DPP10: variants seen among roughly 807,000 people sequenced by gnomAD.
DPP10 encodes dipeptidyl peptidase like 10.
DPP10 carries 33 observed loss-of-function variants against 120.9 expected under a neutral mutation model. The observed-to-expected ratio is 0.27, with a 90% CI of 0.21 to 0.37. The LOEUF (loss-of-function observed/expected upper bound fraction) is 0.37. DPP10 is among the 10% of genes least tolerant of loss of function. DPP10 has a pLI of 1.00. For synonymous variants in DPP10, 337 were observed against 326.1 expected, an observed-to-expected ratio of 1.03 and a Z score of -0.36; for missense variants, 816 against 942.8, an observed-to-expected ratio of 0.87 and a Z score of 1.76.
At chr2:114,900,992 A>T (rs1187857966) in intron 1 of DPP10, among the ~76,000 whole-genome samples, 8 of 152,206 alleles carry the variant, frequency 5.3e-5, no homozygotes, top group South Asian at 4.1e-4. Flanking sequence ...TGAGGCACTA[A>T]AAAGGATAAG....
intron 3 of DPP10, among the ~76,000 whole-genome samples, chr2:115,466,252 C>T (rs985216232): frequency 6.6e-6 from 1 of 152,076 alleles, no homozygotes; most frequent in Non-Finnish European, 1.5e-5. Context: ...CACTTCAAAA[C>T]GTCTGATATG....
At chr2:115,468,167 A>C (rs1307673100) in intron 3 of DPP10, 1 of 494,250 alleles carries the variant, frequency 2.0e-6, no homozygotes, top group African/African-American at 2.0e-5. Context: ...GGATCAGTAC[A>C]TCTGGAAAAG....
rs1469958462 is a variant in DPP10, at chr2:115,480,265, A to G, written c.272-19245A>G. On this transcript the variant is annotated intron_variant, in intron 3 of 25. Transcript: ENST00000410059. Reference sequence around the variant, plus strand: ...GTAAATATAATAATTTTGTTTATGTAAATATAAGAATTAAATGAGATAAGT... The same window carrying G: ...GTAAATATAATAATTTTGTTTATGTGAATATAAGAATTAAATGAGATAAGT... Among the ~76,000 whole-genome samples the G allele has an allele frequency of 2.0e-5, 3 of 152,142 alleles. No individual in the cohort carries two copies. The East Asian group carries it at 5.8e-4, about 29-fold the overall frequency.
At chr2:114,978,476 G>T (rs1699886488) in intron 1 of DPP10, among the ~76,000 whole-genome samples, 1 of 152,104 alleles carries the variant, frequency 6.6e-6, no homozygotes, top group African/African-American at 2.4e-5. Flanking sequence ...AGGGAAAGTA[G>T]TAGTTGGTGC....
intron 3 of DPP10, among the ~76,000 whole-genome samples, chr2:115,355,832 T>C (rs2064344680): frequency 6.6e-6 from 1 of 152,206 alleles, no homozygotes; most frequent in African/African-American, 2.4e-5. Context: ...CCATTGCTTA[T>C]TTTTGTCAGG....
At chr2:115,458,602 G>C (rs920975101) in intron 3 of DPP10, among the ~76,000 whole-genome samples, 3 of 151,954 alleles carry the variant, frequency 2.0e-5, no homozygotes, top group Non-Finnish European at 4.4e-5. Flanking sequence ...TATGTTTTAG[G>C]TTCAATAAAA....
At chr2:115,801,368 A>G (rs913588915) in intron 19 of DPP10, among the ~76,000 whole-genome samples, 6 of 152,282 alleles carry the variant, frequency 3.9e-5, no homozygotes, top group African/African-American at 1.4e-4. Flanking sequence ...ATATATAATC[A>G]TGTCATCTGC....
At chr2:115,652,247 A>T (rs190049252) in intron 5 of DPP10, among the ~76,000 whole-genome samples, 1 of 152,118 alleles carries the variant, frequency 6.6e-6, no homozygotes, top group Admixed American at 6.6e-5. Flanking sequence ...CATTTTACAG[A>T]GGACAGAAGT....
At chr2:114,642,706 A>G (rs1365754342) in intron 1 of DPP10, among the ~76,000 whole-genome samples, 3 of 151,846 alleles carry the variant, frequency 2.0e-5, no homozygotes, top group African/African-American at 7.3e-5. Flanking sequence ...CAGGAATTCT[A>G]CACAGCCCAT....
intron 1 of DPP10, among the ~76,000 whole-genome samples, chr2:115,018,523 G>T (rs762032514): frequency 2.6e-5 from 4 of 152,162 alleles, no homozygotes; most frequent in Non-Finnish European, 4.4e-5. Context: ...ATACTATGCA[G>T]CTATAAAAAG....
intron 5 of DPP10, among the ~76,000 whole-genome samples, chr2:115,587,089 C>CTTTCTT (rs2082333593): frequency 7.9e-4 from 82 of 103,882 alleles, no homozygotes; most frequent in East Asian, 2.0e-3. Flanking sequence ...TTTTCTCTTT[C>CTTTCTT]TTTTTTTTTT....
At chr2:115,028,873 A>G (rs1703650922) in intron 1 of DPP10, among the ~76,000 whole-genome samples, 1 of 151,986 alleles carries the variant, frequency 6.6e-6, no homozygotes, top group South Asian at 2.1e-4. Context: ...GTAAGTATAG[A>G]TATTTCTGCT....
At chr2:114,624,335 G>A (rs1194546257) in intron 1 of DPP10, among the ~76,000 whole-genome samples, 1 of 151,916 alleles carries the variant, frequency 6.6e-6, no homozygotes, top group East Asian at 1.9e-4. Context: ...TGATTTGAAA[G>A]GGTACTGGAA....
chr2:114,713,647 T>C (rs1701167521), intron 1 of DPP10, among the ~76,000 whole-genome samples: 1 of 152,064 alleles, frequency 6.6e-6, no homozygotes, highest in South Asian at 2.1e-4. Flanking sequence ...TCAAGAAATG[T>C]TTGCTTGCCC....
At chr2:114,841,368 G>A (rs977727392) in intron 1 of DPP10, among the ~76,000 whole-genome samples, 4 of 152,076 alleles carry the variant, frequency 2.6e-5, no homozygotes, top group Non-Finnish European at 5.9e-5. Context: ...TAAAATGATA[G>A]GCTAAGAAAT....
intron 1 of DPP10, among the ~76,000 whole-genome samples, chr2:114,943,764 G>T (rs1300506864): frequency 6.6e-6 from 1 of 152,148 alleles, no homozygotes; most frequent in Non-Finnish European, 1.5e-5. Flanking sequence ...AAATACAGAA[G>T]TTATAAAAGT....
chr2:114,941,821 G>A (rs1696922108), intron 1 of DPP10, among the ~76,000 whole-genome samples: 1 of 152,128 alleles, frequency 6.6e-6, no homozygotes, highest in African/African-American at 2.4e-5. Context: ...TGTCACACCT[G>A]TGATGATCTC....
intron 1 of DPP10, among the ~76,000 whole-genome samples, chr2:115,196,052 G>A (rs1305950566): frequency 1.3e-5 from 2 of 152,160 alleles, no homozygotes; most frequent in African/African-American, 4.8e-5. Context: ...GTGTTGTTGA[G>A]GAAAAAGTAT....
rs544522314 is a variant in DPP10 at position 114,814,215 on chromosome 2, G to C, written c.60+371377G>C. 2.0e-5 allele frequency among the ~76,000 whole-genome samples: 3 copies of C among 152,256 alleles called. No individual in the cohort carries two copies. The South Asian group carries it at 6.2e-4, about 32-fold the overall frequency. On this transcript the variant is annotated intron_variant, in intron 1 of 25. Coordinates refer to ENST00000410059, the MANE Select transcript of DPP10 (RefSeq NM_020868.6). Reference sequence around the variant, plus strand: ...TTAAAAGTAAGTTTTGGTTTGGAATGGTAGTAACTTCCAGTGACGTGAGCT... The same window carrying C: ...TTAAAAGTAAGTTTTGGTTTGGAATCGTAGTAACTTCCAGTGACGTGAGCT...
Sources: gnomAD v4.1 joint callset for allele counts (sites outside exome capture counted in the v4.1 genomes callset) on GRCh38, gnomAD v4.1.1 for gene constraint, MANE v1.5 for transcripts, NCBI Gene and HGNC (gene_info 2026-07-23, HGNC 2026-07-21) for gene names.